Variants in FBN2 observed in about 807,000 individuals in gnomAD.
FBN2 encodes the protein fibrillin 2, also known as fibrillin-2.
A neutral mutation model predicts 355.6 loss-of-function variants in FBN2; 105 were observed. The ratio of observed to expected loss-of-function variants is 0.30; its 90% CI spans 0.25 to 0.35. The LOEUF (loss-of-function observed/expected upper bound fraction) is 0.35. Ranked by LOEUF, FBN2 falls within the 10% of genes least tolerant of loss-of-function variation. The pLI, the probability that FBN2 is intolerant of heterozygous loss-of-function variation, is 1.00. For synonymous variants in FBN2, 1,350 were observed against 1,301.2 expected, an observed-to-expected ratio of 1.04 and a Z score of -0.81; for missense variants, 3,280 against 3,758.7, an observed-to-expected ratio of 0.87 and a Z score of 3.33.
chr5:128,334,960 A>C, intron 30 of FBN2, 116 bp from the exon 31 acceptor site: 1 of 1,166,622 alleles, frequency 8.6e-7, no homozygotes. Context: ...AATATAATCC[A>C]TCCGCAAATC....
chr5:128,404,116 A>G (rs1044408711), intron 8 of FBN2, among the ~76,000 whole-genome samples: 1 of 152,238 alleles, frequency 6.6e-6, no homozygotes, highest in Non-Finnish European at 1.5e-5. Flanking sequence ...CTTTATTAGC[A>G]TACATGTGGT....
intron 5 of FBN2, among the ~76,000 whole-genome samples, chr5:128,497,354 T>C (rs1755683110): frequency 6.6e-6 from 1 of 152,244 alleles, no homozygotes; most frequent in African/African-American, 2.4e-5. Flanking sequence ...CTTTGAACTA[T>C]GAGCTGAATT....
At chr5:128,415,816 C>A (rs747267748) in intron 7 of FBN2, among the ~76,000 whole-genome samples, 7 of 152,140 alleles carry the variant, frequency 4.6e-5, no homozygotes, top group Non-Finnish European at 7.4e-5. Flanking sequence ...ACATTACCAC[C>A]AACAGTGTAT....
intron 14 of FBN2, among the ~76,000 whole-genome samples, chr5:128,376,172 C>A (rs1040286092): frequency 1.2e-4 from 19 of 152,048 alleles, no homozygotes; most frequent in African/African-American, 4.3e-4. Context: ...AGAGGTATAA[C>A]TTTAGCTTAT....
intron 7 of FBN2, among the ~76,000 whole-genome samples, chr5:128,437,811 TAGATAGATAGAC>T (rs1304383114): frequency 4.1e-4 from 52 of 126,796 alleles, no homozygotes; most frequent in African/African-American, 1.1e-3. Context: ...GATAGATAGA[TAGATAGATAGAC>T]AGACAGACAG....
At chr5:128,357,501 G>T (rs1317993753) in intron 19 of FBN2, 106 bp from the exon 20 acceptor site, 1 of 1,371,148 alleles carries the variant, frequency 7.3e-7, no homozygotes, top group South Asian at 1.2e-5. Context: ...CTTGGCTCTG[G>T]TAATTTTAAT....
intron 36 of FBN2, among the ~76,000 whole-genome samples, chr5:128,316,903 A>G (rs576062521): frequency 1.5e-4 from 23 of 152,282 alleles, no homozygotes; most frequent in African/African-American, 5.3e-4. Flanking sequence ...ACAGGCATCA[A>G]TATCTTTTCC....
rs545824823 is a variant in FBN2 at position 128,358,142 on chromosome 5, T to C, written c.2555-747A>G. Reference sequence around the variant, plus strand: ...ACTGCACTATGCCTATGTTCTCAAATGGTGATTACAGAAAATGTCAAGCCT... The same window carrying C: ...ACTGCACTATGCCTATGTTCTCAAACGGTGATTACAGAAAATGTCAAGCCT... On this transcript the variant is annotated intron_variant, in intron 19 of 64. Transcript: ENST00000262464. 2.0e-5 allele frequency among the ~76,000 whole-genome samples: 3 copies of C among 152,236 alleles called. No individual in the cohort carries two copies. The South Asian group carries it at 6.2e-4, about 32-fold the overall frequency.
intron 38 of FBN2, 61 bp downstream of exon 38, chr5:128,311,824 C>A (rs1287331502): frequency 1.9e-5 from 25 of 1,307,164 alleles, no homozygotes; most frequent in Non-Finnish European, 2.7e-5. Flanking sequence ...TTTCTGCCAG[C>A]TTTTCTCTAT....
In FBN2 at chr5:128,376,867, T is replaced by C. The variant is rs201359451; in HGVS notation, c.1850-14A>G. The stretch of plus-strand genomic sequence containing the variant: ...ATTCATCATGATCTGCAGAAGAGGA[T>C]TGAGTGACTTTGAACACTGGCCTTG... On this transcript the variant is annotated splice_polypyrimidine_tract_variant and intron_variant, in intron 13 of 64. Transcript: ENST00000262464. The C allele has an allele frequency of 7.0e-5, 113 of 1,612,578 alleles. No individual in the cohort carries two copies. The highest frequency in any genetic ancestry group is 4.8e-4 in the Admixed American group (29 of 59,956).
chr5:128,268,395 C>CA (rs1373262428), intron 62 of FBN2, among the ~76,000 whole-genome samples: 4 of 151,464 alleles, frequency 2.6e-5, no homozygotes, highest in East Asian at 1.9e-4. Flanking sequence ...GCCTACCAAC[C>CA]AAAAAAAAGC....
chr5:128,456,023 A>AAAAAAAAAAAAAAAAAAAAAAAAAACC (rs1554070903), intron 6 of FBN2, among the ~76,000 whole-genome samples: 1 of 145,782 alleles, frequency 6.9e-6, no homozygotes, highest in Non-Finnish European at 1.5e-5. Flanking sequence ...AAAAAAAAAA[A>AAAAAAAAAAAAAAAAAAAAAAAAAACC]GCAACTGCTG....
intron 5 of FBN2, among the ~76,000 whole-genome samples, chr5:128,479,152 A>G (rs969178961): frequency 2.0e-5 from 3 of 152,212 alleles, no homozygotes; most frequent in African/African-American, 7.2e-5. Flanking sequence ...AAACTTTCTT[A>G]GCAGTTGCCA....
intron 48 of FBN2, among the ~76,000 whole-genome samples, chr5:128,298,782 G>T (rs1221815492): frequency 6.6e-6 from 1 of 152,106 alleles, no homozygotes; most frequent in African/African-American, 2.4e-5. Context: ...TTTGGTTTGA[G>T]TGTCCTCCCA....
chr5:128,537,734 GC>G lies in FBN2; in HGVS notation c.-132del. 2 of 892,056 alleles carry G rather than the reference GC, an allele frequency of 2.2e-6. No homozygotes were observed. The highest frequency in any genetic ancestry group is 1.8e-6 in the Non-Finnish European group (1 of 569,568). 55.3% of individuals were successfully genotyped at this position (892,056 alleles called of 1,614,324 possible). On this transcript the variant is annotated 5_prime_UTR_variant, in exon 1 of 65. Transcript: ENST00000262464. The stretch of plus-strand genomic sequence containing the variant: ...GCTCCGGGGACTCCCTCGGGCTCGG[GC>G]TCCCTGCTCTAGCTGGAGACCTCGA...
intron 37 of FBN2, 61 bp downstream of exon 37, chr5:128,312,573 A>G: frequency 6.3e-7 from 1 of 1,595,538 alleles, no homozygotes; most frequent in East Asian, 2.2e-5. Context: ...TCAGGAATAA[A>G]ATGGCAACAA....
At chr5:128,427,757 T>C (rs1359910779) in intron 7 of FBN2, among the ~76,000 whole-genome samples, 1 of 152,136 alleles carries the variant, frequency 6.6e-6, no homozygotes, top group Non-Finnish European at 1.5e-5. Flanking sequence ...TAGAAATCCT[T>C]ACCTATAAGC....
intron 5 of FBN2, among the ~76,000 whole-genome samples, chr5:128,468,180 T>C (rs1754764682): frequency 6.6e-6 from 1 of 152,168 alleles, no homozygotes; most frequent in South Asian, 2.1e-4. Context: ...TTAATATAAG[T>C]GAAATCATAT....
chr5:128,328,972 C>G, intron 33 of FBN2, 151 bp from the exon 34 acceptor site: 2 of 791,990 alleles, frequency 2.5e-6, no homozygotes, highest in East Asian at 5.3e-5. Flanking sequence ...AGGAGGGTAT[C>G]AACCTGAGAG....
Sources: allele counts gnomAD v4.1 joint callset (sites outside exome capture counted in the v4.1 genomes callset), GRCh38; gene constraint gnomAD v4.1.1; transcripts MANE v1.5; gene names NCBI Gene and HGNC (gene_info 2026-07-23, HGNC 2026-07-21).